Variants in EYS observed in about 807,000 individuals in gnomAD.
EYS encodes protein eyes shut homolog.
Under a neutral mutation model 282.1 loss-of-function variants are expected in EYS, and 250 were observed. The ratio of observed to expected loss-of-function variants is 0.89; its 90% confidence interval spans 0.80 to 0.98. EYS has a LOEUF of 0.98. Ranked by LOEUF, EYS falls within the 50% of genes least tolerant of loss-of-function variation. The pLI is 0.00. For synonymous variants in EYS, 1,355 were observed against 1,282.9 expected, an observed-to-expected ratio of 1.06 and a Z score of -1.20; for missense variants, 4,016 against 3,709.0, an observed-to-expected ratio of 1.08 and a Z score of -2.15.
intron 19 of EYS, among the ~76,000 whole-genome samples, chr6:64,834,923 G>A (rs1661200326): frequency 6.6e-6 from 1 of 151,754 alleles, no homozygotes; most frequent in Admixed American, 6.6e-5. Context: ...GTACTATTGA[G>A]AGACAGTCCA....
chr6:64,409,661 T>A (rs755194537), intron 28 of EYS, among the ~76,000 whole-genome samples: 9 of 152,150 alleles, frequency 5.9e-5, no homozygotes, highest in Non-Finnish European at 8.8e-5. Context: ...GCTCTTATTA[T>A]TTTGGGCGCA....
At chr6:64,278,658 G>T (rs1003475338) in intron 30 of EYS, among the ~76,000 whole-genome samples, 6 of 151,954 alleles carry the variant, frequency 3.9e-5, no homozygotes, top group Non-Finnish European at 5.9e-5. Context: ...TAAAAACATA[G>T]AAATAATGCC....
chr6:63,758,074 A>AT (rs1187521054), intron 41 of EYS, among the ~76,000 whole-genome samples: 7 of 151,478 alleles, frequency 4.6e-5, no homozygotes, highest in Admixed American at 1.3e-4. Context: ...TAATTATTCT[A>AT]TTTTTTTTGT....
At chr6:64,818,049 G>GT (rs1278958482) in intron 21 of EYS, among the ~76,000 whole-genome samples, 1 of 151,992 alleles carries the variant, frequency 6.6e-6, no homozygotes, top group South Asian at 2.1e-4. Flanking sequence ...TCTGTAATTA[G>GT]TTTTTTCCAT....
At chr6:65,033,999 G>C (rs1772688583) in intron 13 of EYS, among the ~76,000 whole-genome samples, 1 of 152,128 alleles carries the variant, frequency 6.6e-6, no homozygotes, top group African/African-American at 2.4e-5. Context: ...ACACCGTTTG[G>C]GTTCCCTGCC....
chr6:64,646,405 T>C (rs1475055282), intron 22 of EYS, among the ~76,000 whole-genome samples: 2 of 152,232 alleles, frequency 1.3e-5, no homozygotes, highest in East Asian at 1.9e-4. Context: ...CTGACTCATA[T>C]AATGGTAAAA....
At position 64,295,546 on chromosome 6, in the gene EYS, AAGAAGAAGAAAG is replaced by A. The variant is rs1561912678; in HGVS notation, c.6191+11412_6191+11423del. 4.0e-3 allele frequency among the ~76,000 whole-genome samples: 67 copies of A among 16,746 alleles called. 24 individuals are homozygous for A. Among genetic ancestry groups the A allele is most frequent in the African/African-American group, 0.021 (65 of 3,038 alleles). The allele number at this position is 16,746 out of a possible 152,430, so 11.0% of individuals were successfully genotyped here. On this transcript the variant is annotated intron_variant, in intron 30 of 42. Coordinates refer to ENST00000503581, the MANE Select transcript of EYS (RefSeq NM_001142800.2). ...GAAGAAAGAAGAAGAAAGAAGAAGA[AAGAAGAAGAAAG>A]AAGAAGAAAAGAAGAAGAAAATTAG...
intron 11 of EYS, chr6:65,331,155 A>G (rs1311004402): frequency 3.4e-6 from 3 of 883,736 alleles, no homozygotes; most frequent in East Asian, 1.2e-4. Flanking sequence ...TCATAAATAT[A>G]TATAACATGA....
chr6:63,880,610 A>T (rs1158597491), intron 35 of EYS, among the ~76,000 whole-genome samples: 1 of 151,658 alleles, frequency 6.6e-6, no homozygotes, highest in Admixed American at 6.6e-5. Flanking sequence ...AGACACAAAG[A>T]TCAGATAACT....
chr6:65,522,429 T>G (rs1767406848), intron 2 of EYS, among the ~76,000 whole-genome samples: 3 of 152,156 alleles, frequency 2.0e-5, no homozygotes, highest in Admixed American at 2.0e-4. Context: ...AGTGAGACAC[T>G]GCCTGCACAT....
At chr6:64,334,239 T>C (rs1277098496) in intron 29 of EYS, among the ~76,000 whole-genome samples, 1 of 152,106 alleles carries the variant, frequency 6.6e-6, no homozygotes, top group Non-Finnish European at 1.5e-5. Context: ...CAGGGTTATA[T>C]TGGATCTGTG....
chr6:64,345,815 T>C (rs1328621198), intron 29 of EYS, among the ~76,000 whole-genome samples: 5 of 152,044 alleles, frequency 3.3e-5, no homozygotes, highest in Non-Finnish European at 7.4e-5. Flanking sequence ...GACAAAGGGC[T>C]AATATCCAGA....
intron 31 of EYS, among the ~76,000 whole-genome samples, chr6:64,178,169 A>G (rs1393712736): frequency 6.6e-6 from 1 of 152,102 alleles, no homozygotes; most frequent in Non-Finnish European, 1.5e-5. Flanking sequence ...ATGTGGATGT[A>G]TGTTTTACTA....
At chr6:65,351,742 C>T (rs1440312437) in intron 9 of EYS, among the ~76,000 whole-genome samples, 1 of 151,742 alleles carries the variant, frequency 6.6e-6, no homozygotes, top group Admixed American at 6.6e-5. Flanking sequence ...CAGTAGAGAG[C>T]ATTTCTCAAT....
At chr6:64,719,893 T>A (rs1467445711) in intron 22 of EYS, among the ~76,000 whole-genome samples, 1 of 152,118 alleles carries the variant, frequency 6.6e-6, no homozygotes. Context: ...AGAGTGAGAC[T>A]CCATCTCGAA....
At chr6:64,461,551 A>C (rs575422397) in intron 26 of EYS, among the ~76,000 whole-genome samples, 1 of 152,228 alleles carries the variant, frequency 6.6e-6, no homozygotes, top group Non-Finnish European at 1.5e-5. Flanking sequence ...CAAGTACATT[A>C]AATATAGATT....
intron 36 of EYS, among the ~76,000 whole-genome samples, chr6:63,851,162 A>G (rs777535145): frequency 2.6e-5 from 4 of 152,234 alleles, no homozygotes; most frequent in Non-Finnish European, 4.4e-5. Flanking sequence ...AGGATCATCC[A>G]GATTCATAAA....
chr6:63,949,401 T>TCTTTGC (rs1169442191), intron 35 of EYS, among the ~76,000 whole-genome samples: 1 of 152,194 alleles, frequency 6.6e-6, no homozygotes, highest in African/African-American at 2.4e-5. Context: ...GCAGTTCCTC[T>TCTTTGC]CTTTGCCTGG....
intron 12 of EYS, among the ~76,000 whole-genome samples, chr6:65,217,120 GAT>G (rs957625560): frequency 6.6e-6 from 1 of 152,036 alleles, no homozygotes; most frequent in Non-Finnish European, 1.5e-5. Context: ...CCGATCAGGA[GAT>G]AGTAGAATAC....
Sources: gnomAD v4.1 joint callset for allele counts (sites outside exome capture counted in the v4.1 genomes callset) on GRCh38, gnomAD v4.1.1 for gene constraint, MANE v1.5 for transcripts, NCBI Gene and HGNC (gene_info 2026-07-23, HGNC 2026-07-21) for gene names.